Variants in MARCHF1 observed in about 807,000 individuals in gnomAD.
MARCHF1 encodes the protein E3 ubiquitin-protein ligase MARCHF1.
MARCHF1 carries 40 observed loss-of-function variants against 54.2 expected under a neutral mutation model. The observed-to-expected ratio is 0.74, with a 90% CI of 0.57 to 0.96. The LOEUF (loss-of-function observed/expected upper bound fraction) is 0.96, where lower values mean the gene tolerates loss of function less well. Among genes scored for constraint, MARCHF1 ranks in the 40% least tolerant of loss-of-function variants. The probability of loss-of-function intolerance (pLI) is 0.00; values close to 1 mark genes in which losing one functional copy is unlikely to be tolerated. For synonymous variants in MARCHF1, 236 were observed against 236.3 expected, an observed-to-expected ratio of 1.00 and a Z score of 0.01; for missense variants, 586 against 656.5, an observed-to-expected ratio of 0.89 and a Z score of 1.17.
intron 3 of MARCHF1, among the ~76,000 whole-genome samples, chr4:163,938,135 G>A (rs987140493): frequency 4.6e-5 from 7 of 152,124 alleles, no homozygotes; most frequent in Non-Finnish European, 8.8e-5. Context: ...AATAAAACCA[G>A]ATAATTCTCT....
intron 4 of MARCHF1, among the ~76,000 whole-genome samples, chr4:163,830,054 CAATTT>C (rs1447349659): frequency 6.6e-6 from 1 of 152,086 alleles, no homozygotes; most frequent in African/African-American, 2.4e-5. Context: ...TTGTTGTGAA[CAATTT>C]AATTAAAGCC....
At chr4:163,812,884 T>C (rs775707524) in intron 4 of MARCHF1, among the ~76,000 whole-genome samples, 11 of 152,308 alleles carry the variant, frequency 7.2e-5, no homozygotes, top group East Asian at 1.9e-4. Flanking sequence ...AACTATAGAC[T>C]GTATAACATC....
intron 2 of MARCHF1, among the ~76,000 whole-genome samples, chr4:164,066,253 C>T (rs569093359): frequency 7.2e-5 from 11 of 152,098 alleles, no homozygotes; most frequent in South Asian, 2.1e-4. Context: ...ATGCAGCCAA[C>T]GAGCACACAC....
intron 3 of MARCHF1, among the ~76,000 whole-genome samples, chr4:163,938,755 A>G (rs1378040092): frequency 6.6e-6 from 1 of 152,158 alleles, no homozygotes; most frequent in Non-Finnish European, 1.5e-5. Context: ...TCATGGTGGA[A>G]TGGGAAGCAA....
At chr4:163,914,995 G>T (rs1465166007) in intron 3 of MARCHF1, among the ~76,000 whole-genome samples, 1 of 152,118 alleles carries the variant, frequency 6.6e-6, no homozygotes, top group Non-Finnish European at 1.5e-5. Context: ...AATAGGCAGG[G>T]GACAGATCCC....
intron 1 of MARCHF1, among the ~76,000 whole-genome samples, chr4:164,371,278 A>G (rs1270050447): frequency 2.0e-5 from 3 of 152,216 alleles, no homozygotes; most frequent in African/African-American, 7.2e-5. Flanking sequence ...GCCAAAGACC[A>G]TAATGCTAAA....
chr4:163,597,172 G>A (rs1560964578), intron 7 of MARCHF1, among the ~76,000 whole-genome samples: 1 of 152,010 alleles, frequency 6.6e-6, no homozygotes, highest in African/African-American at 2.4e-5. Flanking sequence ...TGGCCAGGCT[G>A]GTCTCAAACT....
At chr4:164,224,894 T>C (rs1732208501) in intron 1 of MARCHF1, among the ~76,000 whole-genome samples, 2 of 152,004 alleles carry the variant, frequency 1.3e-5, no homozygotes, top group Non-Finnish European at 2.9e-5. Context: ...CTTTGTGTGG[T>C]AAAAGTTTAG....
intron 4 of MARCHF1, among the ~76,000 whole-genome samples, chr4:163,793,260 G>T (rs2110945710): frequency 1.3e-5 from 2 of 152,294 alleles, no homozygotes; most frequent in South Asian, 4.1e-4. Flanking sequence ...GTAGTAACAG[G>T]AATATGTTTT....
At chr4:164,059,261 C>T (rs1204022260) in intron 2 of MARCHF1, among the ~76,000 whole-genome samples, 1 of 152,152 alleles carries the variant, frequency 6.6e-6, no homozygotes, top group Non-Finnish European at 1.5e-5. Context: ...CATAAAGTGA[C>T]TTGATATTTC....
intron 4 of MARCHF1, among the ~76,000 whole-genome samples, chr4:163,836,657 C>T (rs1749195571): frequency 1.4e-5 from 2 of 141,182 alleles, no homozygotes; most frequent in South Asian, 4.7e-4. Flanking sequence ...ATAAAGTAGA[C>T]AAAATAAGGA....
At chr4:163,625,927 T>C (rs1035845301) in intron 5 of MARCHF1, among the ~76,000 whole-genome samples, 2 of 152,362 alleles carry the variant, frequency 1.3e-5, no homozygotes, top group African/African-American at 4.8e-5. Context: ...AGCAGCAATG[T>C]ATTGTTTTAA....
chr4:163,994,752 C>CACACACACACACAA (rs1753036721), intron 2 of MARCHF1, among the ~76,000 whole-genome samples: 13 of 98,266 alleles, frequency 1.3e-4, no homozygotes, highest in African/African-American at 5.1e-4. Flanking sequence ...CACACACACA[C>CACACACACACACAA]ACACACACAC....
intron 3 of MARCHF1, among the ~76,000 whole-genome samples, chr4:163,891,790 G>A (rs1239261472): frequency 1.3e-5 from 2 of 152,016 alleles, no homozygotes; most frequent in Non-Finnish European, 2.9e-5. Flanking sequence ...AAATTGACCT[G>A]GACTTTTCTT....
chr4:163,765,877 A>G (rs948415143), intron 4 of MARCHF1, among the ~76,000 whole-genome samples: 14 of 147,884 alleles, frequency 9.5e-5, no homozygotes, highest in African/African-American at 3.4e-4. Flanking sequence ...CATATATATA[A>G]TATATACATA....
chr4:164,350,565 T>A (rs1672983157), intron 1 of MARCHF1, among the ~76,000 whole-genome samples: 1 of 152,040 alleles, frequency 6.6e-6, no homozygotes. Flanking sequence ...AATTACTGAT[T>A]TGATCTCTAC....
At chr4:163,651,834 T>C (rs1742979348) in intron 5 of MARCHF1, among the ~76,000 whole-genome samples, 1 of 151,624 alleles carries the variant, frequency 6.6e-6, no homozygotes, top group Non-Finnish European at 1.5e-5. Context: ...GGCATTATTT[T>C]TGGACCATGT....
intron 2 of MARCHF1, among the ~76,000 whole-genome samples, chr4:164,037,515 CAT>C (rs1409297609): frequency 6.6e-6 from 1 of 152,142 alleles, no homozygotes; most frequent in African/African-American, 2.4e-5. Context: ...AATTCACACT[CAT>C]ATAAATAAAT....
chr4:163,765,079 C>T (rs1746937197), intron 4 of MARCHF1, among the ~76,000 whole-genome samples: 1 of 152,042 alleles, frequency 6.6e-6, no homozygotes, highest in Non-Finnish European at 1.5e-5. Flanking sequence ...ACCAACTCTG[C>T]ATCTAATGAG....
Sources: allele counts gnomAD v4.1 joint callset (sites outside exome capture counted in the v4.1 genomes callset), GRCh38; gene constraint gnomAD v4.1.1; transcripts MANE v1.5; gene names NCBI Gene and HGNC (gene_info 2026-07-23, HGNC 2026-07-21).